Variants in TUBA3C observed in about 807,000 individuals in gnomAD.
TUBA3C encodes tubulin alpha 3c, also known as tubulin alpha-3C chain.
TUBA3C carries 23 observed loss-of-function variants against 33.4 expected under a neutral mutation model. That is an observed-to-expected ratio of 0.69 (90% CI 0.50 to 0.98). TUBA3C has a LOEUF of 0.98. TUBA3C is among the 50% of genes least tolerant of loss of function. TUBA3C has a pLI of 0.00. For synonymous variants in TUBA3C, 269 were observed against 250.4 expected (o/e 1.07, Z -0.70); for missense variants, 402 against 616.0 (o/e 0.65, Z 3.68).
At position 19,178,191 on chromosome 13, in the gene TUBA3C, C is replaced by G; in HGVS notation, c.375+55G>C. On this transcript the variant is annotated intron_variant, in intron 3 of 4. Coordinates refer to ENST00000400113, the MANE Select transcript of TUBA3C (RefSeq NM_006001.3). ...GACAAAATGACCTCCCCTTCACAAT[C>G]TAAGATCTACCCTCCTGTGCAGGAC... is the stretch of plus-strand genomic sequence containing the variant. 4.4e-6 allele frequency: 7 copies of G among 1,602,320 alleles called. No individual in the cohort carries two copies. The South Asian group carries it at 7.8e-5, about 18-fold the overall frequency.
chr13:19,179,782 G>A (rs367821119), intron 1 of TUBA3C, among the ~76,000 whole-genome samples: 2 of 152,134 alleles, frequency 1.3e-5, no homozygotes, highest in African/African-American at 4.8e-5. Flanking sequence ...GGTAGCCCTA[G>A]AACCTAATGT....
chr13:19,181,779 T>A lies in TUBA3C; in HGVS notation c.-32A>T. ...CTCCTCCGCTGCCGCAGCCCAACGC[T>A]ACTACTTGACCTCAACCGCCGCTGC... On this transcript the variant is annotated 5_prime_UTR_variant, in exon 1 of 5. Transcript: ENST00000400113. The A allele has an allele frequency of 6.2e-7, 1 of 1,600,898 alleles. No homozygotes were observed.
intron 4 of TUBA3C, among the ~76,000 whole-genome samples, chr13:19,175,566 T>G (rs1220962531): frequency 1.3e-5 from 2 of 152,228 alleles, no homozygotes; most frequent in African/African-American, 4.8e-5. Flanking sequence ...TGGGTGTCTC[T>G]TCTTCTCCTT....
In TUBA3C at chr13:19,181,753, GCTC is replaced by G; in HGVS notation, c.-9_-7del. ...GAGTGACCTGGCCTTACCATGTTGA[GCTC>G]CTCCGCTGCCGCAGCCCAACGCTAC... On this transcript the variant is annotated 5_prime_UTR_variant, in exon 1 of 5. Transcript: ENST00000400113. 6.2e-7 allele frequency: 1 copy of G among 1,602,412 alleles called. No homozygotes were observed. The highest frequency in any genetic ancestry group is 1.3e-5 in the African/African-American group (1 of 75,038).
intron 1 of TUBA3C, among the ~76,000 whole-genome samples, chr13:19,180,871 T>C (rs533194798): frequency 6.6e-6 from 1 of 151,376 alleles, no homozygotes; most frequent in East Asian, 2.0e-4. Context: ...GGCAGGAGGA[T>C]TGCTGGAGCC....
Position 19,177,387 on chromosome 13 carries a change from T to A in TUBA3C, c.596A>T (p.Asp199Val), listed in dbSNP as rs1869233362. ...LTTHTTLEHS[D>V]CAFMVDNEAI... ...TTCATTGTCGACCATGAAGGCACAGTCAGAATGTTCCAGGGTCGTGTGGGT... is the reference window on the plus strand; with the variant it reads ...TTCATTGTCGACCATGAAGGCACAGACAGAATGTTCCAGGGTCGTGTGGGT... The change falls in exon 4 of 5, where the codon GAC (aspartate) becomes GTC (valine). Residue 199 changes from aspartate (D) to valine (V), a missense_variant. Coordinates refer to ENST00000400113, the MANE Select transcript of TUBA3C (RefSeq NM_006001.3). This position sits in a 1 kb window ranked among gnomAD's most constrained non-coding sequence, Gnocchi z 5.0. 6.2e-7 allele frequency: 1 copy of A among 1,613,958 alleles called. No homozygotes were observed. The highest frequency in any genetic ancestry group is 1.3e-5 in the African/African-American group (1 of 74,886).
rs756263503 is a variant in TUBA3C at position 19,173,824 on chromosome 13, G to C, written c.*39C>G. 1.9e-6 allele frequency: 3 copies of C among 1,585,502 alleles called. No homozygotes were observed. Among genetic ancestry groups the C allele is most frequent in the Admixed American group, 3.5e-5 (2 of 57,404 alleles). On this transcript the variant is annotated 3_prime_UTR_variant, in exon 5 of 5. Coordinates refer to ENST00000400113, the MANE Select transcript of TUBA3C (RefSeq NM_006001.3). Reference sequence around the variant, plus strand: ...AAAGAACTTGAAAGCAGCCACGCTGGGGGTGGCAGTGGAGTGGAGAACCCA... The same window carrying C: ...AAAGAACTTGAAAGCAGCCACGCTGCGGGTGGCAGTGGAGTGGAGAACCCA...
rs149644096 is a variant in TUBA3C, at chr13:19,179,614, G to C, written c.4-51C>G. ...CCCATTCATTTCAAGGCAACTTGAA[G>C]CTATATGGTATGCAAAATATTATAA... On this transcript the variant is annotated intron_variant, in intron 1 of 4. Coordinates refer to ENST00000400113, the MANE Select transcript of TUBA3C (RefSeq NM_006001.3). The C allele has an allele frequency of 3.9e-4, 621 of 1,575,246 alleles. 4 individuals are homozygous for C. In the African/African-American group the frequency reaches 7.2e-3, roughly 18 times the overall value.
At position 19,181,777 on chromosome 13, in the gene TUBA3C, G is replaced by C. The variant is rs547266742; in HGVS notation, c.-30C>G. The stretch of plus-strand genomic sequence containing the variant: ...AGCTCCTCCGCTGCCGCAGCCCAAC[G>C]CTACTACTTGACCTCAACCGCCGCT... On this transcript the variant is annotated 5_prime_UTR_variant, in exon 1 of 5. Coordinates refer to ENST00000400113, the MANE Select transcript of TUBA3C (RefSeq NM_006001.3). 1.9e-6 allele frequency: 3 copies of C among 1,601,074 alleles called. No homozygotes were observed. The highest frequency in any genetic ancestry group is 2.2e-5 in the East Asian group (1 of 44,846).
At chr13:19,180,335 G>A (rs522810) in intron 1 of TUBA3C, among the ~76,000 whole-genome samples, 2 of 151,580 alleles carry the variant, frequency 1.3e-5, no homozygotes, top group African/African-American at 2.4e-5. Flanking sequence ...GCCTAGGAGT[G>A]TAATGGCTCC....
intron 4 of TUBA3C, among the ~76,000 whole-genome samples, chr13:19,175,074 C>T (rs9507562): frequency 0.042 from 6,317 of 152,068 alleles, 160 homozygotes; most frequent in Middle Eastern, 0.068. Context: ...TGGTGAAACC[C>T]GGTCTCTACT....
chr13:19,176,183 C>G (rs1230992084), intron 4 of TUBA3C, among the ~76,000 whole-genome samples: 5 of 152,046 alleles, frequency 3.3e-5, no homozygotes, highest in African/African-American at 1.2e-4. Flanking sequence ...TTTTGGGAGG[C>G]TAAGACAAGC....
Position 19,176,912 on chromosome 13 carries a change from A to C in TUBA3C, c.1056+15T>G, listed in dbSNP as rs1160102266. The stretch of plus-strand genomic sequence containing the variant: ...TTGCTGAAAGGTACAAGGACTCCAC[A>C]TTACCCAGTCATACCTTAAATCCAG... On this transcript the variant is annotated intron_variant, in intron 4 of 4. Coordinates refer to ENST00000400113, the MANE Select transcript of TUBA3C (RefSeq NM_006001.3). 3 of 1,611,988 alleles carry C rather than the reference A, an allele frequency of 1.9e-6. No homozygotes were observed. Among genetic ancestry groups the C allele is most frequent in the Non-Finnish European group, 2.5e-6 (3 of 1,178,520 alleles).
At chr13:19,180,143 C>A (rs741728) in intron 1 of TUBA3C, among the ~76,000 whole-genome samples, 15,048 of 152,152 alleles carry the variant, frequency 0.099, 741 homozygotes, top group East Asian at 0.16. Flanking sequence ...GACAGGCAGC[C>A]GCAGGAGACC....
chr13:19,180,510 T>A (rs777661057), intron 1 of TUBA3C, among the ~76,000 whole-genome samples: 8,015 of 150,868 alleles, frequency 0.053, 397 homozygotes, highest in East Asian at 0.14. Flanking sequence ...GAAAAAAAAT[T>A]TTTTTTTTTT....
In TUBA3C at chr13:19,178,385, C is replaced by G; in HGVS notation, c.236G>C (p.Arg79Pro). 1.2e-6 allele frequency: 2 copies of G among 1,613,836 alleles called. No individual in the cohort carries two copies. The highest frequency in any genetic ancestry group is 8.5e-7 in the Non-Finnish European group (1 of 1,179,852). Reference sequence around the variant, plus strand: ...GAAGAGCTGCCTATAGGTTCCTGTGCGCACTTCATCTACAAAAGAGACCGT... The same window carrying G: ...GAAGAGCTGCCTATAGGTTCCTGTGGGCACTTCATCTACAAAAGAGACCGT... ...DLEPTVVDEV[R>P]TGTYRQLFHP... The change falls in exon 3 of 5, where the codon CGC (arginine) becomes CCC (proline). Residue 79 changes from arginine to proline, a missense_variant. By Grantham distance (103) the Arg-to-Pro change is moderately radical (BLOSUM62 -2). Transcript: ENST00000400113.
chr13:19,181,721 G>C (rs180927119), intron 1 of TUBA3C, 24 bp downstream of exon 1: 26 of 1,601,732 alleles, frequency 1.6e-5, no homozygotes, highest in Non-Finnish European at 2.0e-5. Context: ...GGGCGTCTGC[G>C]GGGTGGGAGT....
chr13:19,180,175 G>A (rs779786232), intron 1 of TUBA3C, among the ~76,000 whole-genome samples: 3 of 152,140 alleles, frequency 2.0e-5, no homozygotes, highest in Non-Finnish European at 4.4e-5. Context: ...GGAGAGTGGC[G>A]TCAGGGTACT....
rs1869253932 is a variant in TUBA3C, at chr13:19,177,817, C to A, written c.376-210G>T. Among the ~76,000 whole-genome samples, 1 of 149,602 alleles carries A rather than the reference C, an allele frequency of 6.7e-6. No homozygotes were observed. On this transcript the variant is annotated intron_variant, in intron 3 of 4. Coordinates refer to ENST00000400113, the MANE Select transcript of TUBA3C (RefSeq NM_006001.3). This position sits in a 1 kb window ranked among gnomAD's most constrained non-coding sequence, Gnocchi z 5.0. The stretch of plus-strand genomic sequence containing the variant: ...CTTCAGACTAAGACCATTGCAGACG[C>A]AATAGGACTCAAGATACTGTTCTAA...
Sources: gnomAD v4.1 joint callset for allele counts (sites outside exome capture counted in the v4.1 genomes callset) on GRCh38, gnomAD v4.1.1 for gene constraint, Gnocchi (gnomAD v3.1) non-coding constraint, MANE v1.5 for transcripts, NCBI Gene and HGNC (gene_info 2026-07-23, HGNC 2026-07-21) for gene names.